PLB1: variants seen among roughly 807,000 people sequenced by gnomAD.
PLB1 encodes the protein phospholipase B1.
In PLB1, 242 loss-of-function variants were observed where a neutral mutation model predicts 227.4. The observed-to-expected ratio is 1.06, with a 90% confidence interval of 0.96 to 1.18. The LOEUF is 1.18. Among genes scored for constraint, PLB1 ranks in the 50% most tolerant of loss-of-function variants. PLB1 has a pLI of 0.00. For synonymous variants in PLB1, 757 were observed against 682.2 expected, an observed-to-expected ratio of 1.11 and a Z score of -1.71; for missense variants, 1,858 against 1,816.3, an observed-to-expected ratio of 1.02 and a Z score of -0.42.
rs112856431 is a variant in PLB1, at chr2:28,552,509, G to T, written c.1084-419G>T. Among the ~76,000 whole-genome samples the T allele has an allele frequency of 1.0e-2, 1,518 of 152,306 alleles. 14 individuals are homozygous for T. The highest frequency in any genetic ancestry group is 0.016 in the Non-Finnish European group (1,061 of 68,028). On this transcript the variant is annotated intron_variant, in intron 16 of 57. Coordinates refer to ENST00000327757, the MANE Select transcript of PLB1 (RefSeq NM_153021.5). Reference sequence around the variant, plus strand: ...GCCAGGCACTGTTCTAGGCTCTGGGGACACAATAACAAACAACATGGATAA... The same window carrying T: ...GCCAGGCACTGTTCTAGGCTCTGGGTACACAATAACAAACAACATGGATAA...
intron 14 of PLB1, 55 bp from the exon 15 acceptor site, chr2:28,548,805 G>T (rs1196412820): frequency 6.4e-7 from 1 of 1,554,648 alleles, no homozygotes; most frequent in Non-Finnish European, 8.9e-7. Context: ...TGGTGACTTG[G>T]CAGGCTGCTA....
intron 46 of PLB1, 79 bp from the exon 47 acceptor site, chr2:28,620,186 C>T (rs1353016745): frequency 1.0e-6 from 1 of 972,146 alleles, no homozygotes; most frequent in African/African-American, 1.7e-5. Flanking sequence ...GTCCTAGCTG[C>T]TACCCCAGGG....
chr2:28,604,669 G>T lies in PLB1; in HGVS notation c.2871G>T (p.Glu957Asp), dbSNP rs1377893010. Reference protein sequence around the residue: ...FSRAYRSSMRELVGSGRYDTQ... With the variant: ...FSRAYRSSMRDLVGSGRYDTQ... ...TGTGTCCCCAGAGCAGCATGCGCGA[G>T]CTGGTGGGGTCAGGCCGCTATGACA... is the stretch of plus-strand genomic sequence containing the variant. Residue 957 changes from glutamate to aspartate, a missense_variant, in exon 41 of 58, where the codon GAG becomes GAT. Coordinates refer to ENST00000327757, the MANE Select transcript of PLB1 (RefSeq NM_153021.5). 15 of 1,614,004 alleles carry T rather than the reference G, an allele frequency of 9.3e-6. No homozygotes were observed. In the Admixed American group the frequency reaches 2.2e-4, roughly 23 times the overall value.
chr2:28,625,926 A>G (rs1266858970), intron 50 of PLB1, among the ~76,000 whole-genome samples: 1 of 151,832 alleles, frequency 6.6e-6, no homozygotes, highest in African/African-American at 2.4e-5. Flanking sequence ...CCAAAAAAAA[A>G]AAACATCCTC....
intron 9 of PLB1, among the ~76,000 whole-genome samples, chr2:28,537,185 G>A (rs915841126): frequency 1.8e-4 from 28 of 152,010 alleles, no homozygotes; most frequent in Non-Finnish European, 3.8e-4. Context: ...GAGAAACAGG[G>A]ACACTGCATT....
chr2:28,591,658 C>A (rs772864399), intron 30 of PLB1, 42 bp from the exon 31 acceptor site: 2 of 1,598,586 alleles, frequency 1.3e-6, no homozygotes, highest in Non-Finnish European at 8.6e-7. Flanking sequence ...TTTTCTGGTC[C>A]CTTTCAACCC....
chr2:28,518,359 G>A, intron 2 of PLB1, 107 bp from the exon 3 acceptor site: 1 of 838,262 alleles, frequency 1.2e-6, no homozygotes. Flanking sequence ...TCTAGATTTT[G>A]AGCCTAGATA....
At chr2:28,632,204 T>G in intron 55 of PLB1, 64 bp downstream of exon 55, 1 of 1,360,314 alleles carries the variant, frequency 7.4e-7, no homozygotes, top group Non-Finnish European at 1.0e-6. Flanking sequence ...ATGGATGTAT[T>G]TCCTTCTCTA....
chr2:28,545,631 G>A (rs1338128712), intron 14 of PLB1, among the ~76,000 whole-genome samples: 1 of 152,180 alleles, frequency 6.6e-6, no homozygotes, highest in African/African-American at 2.4e-5. Context: ...GCACCCAAGG[G>A]TTTGTGAAAA....
At chr2:28,582,944 TG>T (rs1680296363) in intron 25 of PLB1, among the ~76,000 whole-genome samples, 1 of 152,206 alleles carries the variant, frequency 6.6e-6, no homozygotes, top group South Asian at 2.1e-4. Flanking sequence ...GGGTGTTCCA[TG>T]TAAAGCATTC....
rs375857455 is a variant in PLB1, at chr2:28,529,833, C to T, written c.468+54C>T. 635 of 1,557,648 alleles carry T rather than the reference C, an allele frequency of 4.1e-4. 1 individual carries two copies. The highest frequency in any genetic ancestry group is 5.1e-4 in the Non-Finnish European group (581 of 1,129,280). On this transcript the variant is annotated intron_variant, in intron 8 of 57. Coordinates refer to ENST00000327757, the MANE Select transcript of PLB1 (RefSeq NM_153021.5). ...TGGGCTGCCTGGCTTTGCTGCAAGGCGGGCAGACCGAAGTGATGATGACCC... is the reference window on the plus strand; with the variant it reads ...TGGGCTGCCTGGCTTTGCTGCAAGGTGGGCAGACCGAAGTGATGATGACCC...
chr2:28,604,076 T>A, intron 40 of PLB1, 29 bp downstream of exon 40: 1 of 1,568,880 alleles, frequency 6.4e-7, no homozygotes, highest in South Asian at 1.1e-5. Context: ...CCATGCTGTG[T>A]CCTCTCCCCT....
chr2:28,567,871 T>G lies in PLB1; in HGVS notation c.1324+1032T>G, dbSNP rs1677319444. On this transcript the variant is annotated intron_variant, in intron 20 of 57. Transcript: ENST00000327757. ...CTTAAAGTATGCAAGCGATACATAT[T>G]TAAATTGAATTCTTCCCCTGGAATC... 3.3e-5 allele frequency among the ~76,000 whole-genome samples: 5 copies of G among 152,288 alleles called. No individual in the cohort carries two copies. In the South Asian group the frequency reaches 1.0e-3, roughly 32 times the overall value.
At chr2:28,605,301 G>C (rs574172282) in intron 41 of PLB1, among the ~76,000 whole-genome samples, 7 of 152,252 alleles carry the variant, frequency 4.6e-5, no homozygotes, top group Non-Finnish European at 7.4e-5. Context: ...GAGGACTGAG[G>C]TCTGTCCCCC....
intron 56 of PLB1, among the ~76,000 whole-genome samples, chr2:28,638,766 C>T (rs535603481): frequency 7.1e-6 from 1 of 141,274 alleles, no homozygotes; most frequent in African/African-American, 2.6e-5. Flanking sequence ...TCCAGACATC[C>T]ACATAGAGGT....
Position 28,602,465 on chromosome 2 carries a change from A to G in PLB1, c.2674-356A>G, listed in dbSNP as rs181799143. Among the ~76,000 whole-genome samples the G allele has an allele frequency of 4.5e-3, 681 of 152,290 alleles. 7 individuals carry two copies. The highest frequency in any genetic ancestry group is 4.8e-3 in the Non-Finnish European group (328 of 68,012). ...CTGTGGGGGTTGAGTCTGCGTGCCT[A>G]CTCAGCAGAGTTAGGCCAGTTTGGG... On this transcript the variant is annotated intron_variant, in intron 38 of 57. Coordinates refer to ENST00000327757, the MANE Select transcript of PLB1 (RefSeq NM_153021.5).
At chr2:28,604,287 G>A (rs1663547643) in intron 40 of PLB1, among the ~76,000 whole-genome samples, 1 of 152,154 alleles carries the variant, frequency 6.6e-6, no homozygotes, top group Non-Finnish European at 1.5e-5. Context: ...TACCGTTGAG[G>A]GCTTAACCCC....
At chr2:28,599,086 C>T (rs921550125) in intron 35 of PLB1, among the ~76,000 whole-genome samples, 1 of 152,228 alleles carries the variant, frequency 6.6e-6, no homozygotes, top group Non-Finnish European at 1.5e-5. Context: ...ATCCACTCCC[C>T]GCAGAACCTC....
chr2:28,634,793 C>T (rs1689102729), intron 56 of PLB1, among the ~76,000 whole-genome samples: 1 of 152,024 alleles, frequency 6.6e-6, no homozygotes, highest in Non-Finnish European at 1.5e-5. Context: ...TGCCTGTAGT[C>T]CCAGCTGCTC....
Sources: gnomAD v4.1 joint callset for allele counts (sites outside exome capture counted in the v4.1 genomes callset) on GRCh38, gnomAD v4.1.1 for gene constraint, MANE v1.5 for transcripts, NCBI Gene and HGNC (gene_info 2026-07-23, HGNC 2026-07-21) for gene names.